The following SMPDL3A variants were observed in gnomAD, a reference collection of about 807,000 sequenced individuals.
SMPDL3A encodes the protein cyclic GMP-AMP phosphodiesterase SMPDL3A.
In SMPDL3A, 39 loss-of-function variants were observed where a neutral mutation model predicts 38.5. The ratio of observed to expected loss-of-function variants is 1.01; its 90% confidence interval spans 0.78 to 1.32. The LOEUF is 1.32. Ranked by LOEUF, SMPDL3A falls within the 40% of genes most tolerant of loss-of-function variation. SMPDL3A has a pLI of 0.00. For synonymous variants in SMPDL3A, 180 were observed against 194.3 expected, an observed-to-expected ratio of 0.93 and a Z score of 0.61; for missense variants, 502 against 536.2, an observed-to-expected ratio of 0.94 and a Z score of 0.63.
chr6:122,796,882 A>T lies in SMPDL3A; in HGVS notation c.385A>T (p.Ile129Phe). 5.6e-6 allele frequency: 9 copies of T among 1,613,046 alleles called. No individual in the cohort carries two copies. The highest frequency in any genetic ancestry group is 6.8e-6 in the Non-Finnish European group (8 of 1,179,066). ...ELSTDTVINV[I>F]TNMTTTIQSL... ...CTCAACAGACACTGTTATAAATGTG[A>T]TCACTAATATGACAACCACCATCCA... is the stretch of plus-strand genomic sequence containing the variant. The change falls in exon 3 of 8, where the codon ATC (isoleucine) becomes TTC (phenylalanine). Residue 129 changes from isoleucine (I) to phenylalanine (F), a missense_variant. By Grantham distance (21) the Ile-to-Phe change is conservative. Transcript: ENST00000368440.
At chr6:122,791,452 TAA>T (rs910459309) in intron 1 of SMPDL3A, among the ~76,000 whole-genome samples, 6 of 152,214 alleles carry the variant, frequency 3.9e-5, no homozygotes, top group African/African-American at 9.7e-5. Context: ...TAACAATAGC[TAA>T]GTTTGGCCAA....
rs1174719440 is a variant in SMPDL3A, at chr6:122,803,715, G to A, written c.620G>A (p.Ser207Asn). 6.2e-7 allele frequency: 1 copy of A among 1,613,878 alleles called. No homozygotes were observed. The highest frequency in any genetic ancestry group is 1.3e-5 in the African/African-American group (1 of 74,906). The change falls in exon 5 of 8, where the codon AGT (serine) becomes AAT (asparagine). Residue 207 changes from serine (S) to asparagine (N), a missense_variant. Ser to Asn is a conservative substitution (Grantham distance 46). Transcript: ENST00000368440. ...ACTAATCCAAACCTTAGGATCATCAGTCTAAACACAAACTTGTACTACGGC... is the reference window on the plus strand; with the variant it reads ...ACTAATCCAAACCTTAGGATCATCAATCTAAACACAAACTTGTACTACGGC... The part of the protein sequence containing the change: ...VTTNPNLRII[S>N]LNTNLYYGPN...
intron 5 of SMPDL3A, among the ~76,000 whole-genome samples, chr6:122,804,329 G>T (rs1177136890): frequency 2.3e-5 from 3 of 131,170 alleles, no homozygotes; most frequent in Admixed American, 1.5e-4. Flanking sequence ...CAGAGACAGG[G>T]GTCTCACTCT....
At chr6:122,790,329 G>C (rs1245263586) in intron 1 of SMPDL3A, among the ~76,000 whole-genome samples, 2 of 152,172 alleles carry the variant, frequency 1.3e-5, no homozygotes, top group South Asian at 2.1e-4. Context: ...GTCCAGAATA[G>C]ATACATTTTG....
At chr6:122,808,243 C>A (rs1341425242) in intron 7 of SMPDL3A, among the ~76,000 whole-genome samples, 1 of 152,080 alleles carries the variant, frequency 6.6e-6, no homozygotes, top group Non-Finnish European at 1.5e-5. Context: ...GGAGTACTGA[C>A]AAATGTTTAA....
intron 2 of SMPDL3A, 64 bp downstream of exon 2, chr6:122,795,954 A>C: frequency 8.4e-7 from 1 of 1,185,238 alleles, no homozygotes; most frequent in Non-Finnish European, 1.2e-6. Flanking sequence ...AAGCTTCATA[A>C]GAGTGCTGAA....
chr6:122,799,750 C>T (rs545990276), intron 3 of SMPDL3A, among the ~76,000 whole-genome samples: 18 of 152,160 alleles, frequency 1.2e-4, no homozygotes, highest in African/African-American at 3.4e-4. Context: ...ATGTATTAGA[C>T]GCATGTATCA....
rs966648513 is a variant in SMPDL3A at position 122,792,432 on chromosome 6, A to G, written c.112+2974A>G. On this transcript the variant is annotated intron_variant, in intron 1 of 7. Transcript: ENST00000368440. ...ATATAAATTAAAGAATGTTTGTTGAAGGGCTACTATAAGTCATGCATATTC... is the reference window on the plus strand; with the variant it reads ...ATATAAATTAAAGAATGTTTGTTGAGGGGCTACTATAAGTCATGCATATTC... 2.0e-5 allele frequency among the ~76,000 whole-genome samples: 3 copies of G among 152,184 alleles called. No individual in the cohort carries two copies. In the East Asian group the frequency reaches 5.8e-4, roughly 29 times the overall value.
chr6:122,801,497 C>A, intron 4 of SMPDL3A, 91 bp downstream of exon 4: 2 of 894,352 alleles, frequency 2.2e-6, no homozygotes, highest in Admixed American at 1.8e-5. Flanking sequence ...GAGTGTGCCA[C>A]TTCTGGAGCA....
chr6:122,794,464 G>A (rs1237241203), intron 1 of SMPDL3A, among the ~76,000 whole-genome samples: 2 of 152,100 alleles, frequency 1.3e-5, no homozygotes, highest in Non-Finnish European at 2.9e-5. Context: ...GGGTGTGGTG[G>A]CGTGCACCTG....
chr6:122,809,631 A>T lies in SMPDL3A; in HGVS notation c.*223A>T, dbSNP rs1582565986. ...TAATAGAATGATGGATGTAAATTGGATGTAAATATTCAGTTTATATAATTA... is the reference window on the plus strand; with the variant it reads ...TAATAGAATGATGGATGTAAATTGGTTGTAAATATTCAGTTTATATAATTA... On this transcript the variant is annotated 3_prime_UTR_variant, in exon 8 of 8. Transcript: ENST00000368440. The T allele has an allele frequency of 2.6e-6, 1 of 382,752 alleles. No homozygotes were observed. Among genetic ancestry groups the T allele is most frequent in the Admixed American group, 4.2e-5 (1 of 24,042 alleles). 23.7% of individuals were successfully genotyped at this position (382,752 alleles called of 1,614,324 possible). A position where few individuals can be genotyped will look rare whatever the true frequency, so the allele number is the denominator to read the frequency against.
At chr6:122,790,920 G>A (rs6569284) in intron 1 of SMPDL3A, among the ~76,000 whole-genome samples, 10,860 of 152,198 alleles carry the variant, frequency 0.071, 1,284 homozygotes, top group African/African-American at 0.25. Context: ...TACTAAAGGG[G>A]AAGGAAGAGG....
At chr6:122,803,464 G>A (rs190650504) in intron 4 of SMPDL3A, among the ~76,000 whole-genome samples, 200 bp from the exon 5 acceptor site, 97 of 152,242 alleles carry the variant, frequency 6.4e-4, no homozygotes, top group African/African-American at 2.3e-3. Context: ...GATAGCACGG[G>A]GCCTGGCACC....
chr6:122,806,150 C>G lies in SMPDL3A; in HGVS notation c.920-83C>G. 6 of 1,257,390 alleles carry G rather than the reference C, an allele frequency of 4.8e-6. No homozygotes were observed. The South Asian group carries it at 1.0e-4, about 22-fold the overall frequency. 77.9% of individuals were successfully genotyped at this position (1,257,390 alleles called of 1,614,324 possible). A position where few individuals can be genotyped will look rare whatever the true frequency, so the allele number is the denominator to read the frequency against. On this transcript the variant is annotated intron_variant, in intron 6 of 7. Coordinates refer to ENST00000368440, the MANE Select transcript of SMPDL3A (RefSeq NM_006714.5). ...ATATCACTTGGTTATGTCTGTTAAT[C>G]TCTTAATCTGGAAACTTTATATTTT...
chr6:122,798,447 C>T (rs1305694426), intron 3 of SMPDL3A, among the ~76,000 whole-genome samples: 1 of 152,146 alleles, frequency 6.6e-6, no homozygotes, highest in African/African-American at 2.4e-5. Context: ...CCCTGCTTTC[C>T]ACTCCCTCCC....
Position 122,796,002 on chromosome 6 carries a change from G to C in SMPDL3A, c.326+112G>C, listed in dbSNP as rs1047673720. 3.2e-5 allele frequency: 26 copies of C among 819,730 alleles called. No homozygotes were observed. In the Admixed American group the frequency reaches 4.1e-4, roughly 13 times the overall value. The allele number at this position is 819,730 out of a possible 1,614,324, so 50.8% of individuals were successfully genotyped here. On this transcript the variant is annotated intron_variant, in intron 2 of 7. Coordinates refer to ENST00000368440, the MANE Select transcript of SMPDL3A (RefSeq NM_006714.5). ...ATTAGTTACATTTTAAGAGTTATTT[G>C]AGTTAAAAAAACACTAGGTCAAACT...
chr6:122,789,851 G>C, intron 1 of SMPDL3A: 1 of 985,432 alleles, frequency 1.0e-6, no homozygotes, highest in Non-Finnish European at 1.2e-6. Context: ...AGCACAGCAA[G>C]AGGCCCCTAA....
chr6:122,793,330 G>A (rs1280049608), intron 1 of SMPDL3A, among the ~76,000 whole-genome samples: 1 of 152,118 alleles, frequency 6.6e-6, no homozygotes, highest in Non-Finnish European at 1.5e-5. Context: ...AATGAAATAG[G>A]CCAAGATCAC....
intron 1 of SMPDL3A, among the ~76,000 whole-genome samples, chr6:122,792,906 GA>G (rs1183942327): frequency 1.3e-5 from 2 of 152,172 alleles, no homozygotes; most frequent in Non-Finnish European, 2.9e-5. Flanking sequence ...AGGCAAGTGA[GA>G]TTGGAGATAT....
Sources: allele counts gnomAD v4.1 joint callset (sites outside exome capture counted in the v4.1 genomes callset), GRCh38; gene constraint gnomAD v4.1.1; transcripts MANE v1.5; gene names NCBI Gene and HGNC (gene_info 2026-07-23, HGNC 2026-07-21).